The following PPP2R2B variants were observed in gnomAD, a reference collection of about 807,000 sequenced individuals.
PPP2R2B encodes the protein protein phosphatase 2 regulatory subunit Bbeta.
In PPP2R2B, 5 loss-of-function variants were observed where a neutral mutation model predicts 46.0. The ratio of observed to expected loss-of-function variants is 0.11; its 90% confidence interval spans 0.06 to 0.23. The LOEUF (loss-of-function observed/expected upper bound fraction) is 0.23. PPP2R2B is among the 10% of genes least tolerant of loss of function. The probability of loss-of-function intolerance (pLI) is 1.00; values close to 1 mark genes in which losing one functional copy is unlikely to be tolerated. For missense variants in PPP2R2B, 367 were observed against 575.0 expected, an observed-to-expected ratio of 0.64 and a Z score of 3.70; for synonymous variants, 215 against 206.7, an observed-to-expected ratio of 1.04 and a Z score of -0.34.
chr5:146,691,878 G>A (rs544495548), intron 4 of PPP2R2B, among the ~76,000 whole-genome samples: 174 of 152,096 alleles, frequency 1.1e-3, no homozygotes, highest in African/African-American at 3.5e-3. Context: ...CCTCTTTTTC[G>A]TATAATTTGC....
chr5:146,886,671 AT>A (rs1040507002), intron 1 of PPP2R2B, among the ~76,000 whole-genome samples: 23 of 152,256 alleles, frequency 1.5e-4, no homozygotes, highest in African/African-American at 5.5e-4. Context: ...AACTGCTACA[AT>A]TTTTTGGTTA....
chr5:146,683,399 C>A (rs945308836), intron 5 of PPP2R2B, among the ~76,000 whole-genome samples: 1 of 152,146 alleles, frequency 6.6e-6, no homozygotes, highest in Non-Finnish European at 1.5e-5. Flanking sequence ...CACTCAAGTC[C>A]AAGCATTACC....
intron 2 of PPP2R2B, among the ~76,000 whole-genome samples, chr5:146,829,305 T>C (rs1330129469): frequency 6.6e-6 from 1 of 152,228 alleles, no homozygotes; most frequent in Non-Finnish European, 1.5e-5. Flanking sequence ...GTAAATTGAA[T>C]GGCTAAATTA....
chr5:146,974,209 G>A (rs1295748769), intron 1 of PPP2R2B, among the ~76,000 whole-genome samples: 1 of 152,152 alleles, frequency 6.6e-6, no homozygotes, highest in East Asian at 1.9e-4. Context: ...AAAGGACTCT[G>A]TTCTACAGTA....
intron 5 of PPP2R2B, among the ~76,000 whole-genome samples, chr5:146,690,462 C>G (rs1019506307): frequency 9.2e-5 from 14 of 152,272 alleles, no homozygotes; most frequent in African/African-American, 3.4e-4. Context: ...GTGCCATAAT[C>G]ATTTGTATAT....
intron 1 of PPP2R2B, among the ~76,000 whole-genome samples, chr5:147,035,751 A>G (rs1306732521): frequency 6.6e-6 from 1 of 152,204 alleles, no homozygotes; most frequent in Admixed American, 6.5e-5. Context: ...CTCAAAGACC[A>G]AGAGTCTGTC....
intron 1 of PPP2R2B, among the ~76,000 whole-genome samples, chr5:146,943,095 C>T (rs1005398855): frequency 6.6e-6 from 1 of 152,128 alleles, no homozygotes; most frequent in African/African-American, 2.4e-5. Flanking sequence ...CTACGCCCGG[C>T]CCAAATCCAT....
intron 7 of PPP2R2B, among the ~76,000 whole-genome samples, chr5:146,630,431 A>G (rs1774348884): frequency 6.6e-6 from 1 of 152,208 alleles, no homozygotes; most frequent in Non-Finnish European, 1.5e-5. Context: ...CAGGTGTTTA[A>G]TCAATCTTAG....
intron 2 of PPP2R2B, among the ~76,000 whole-genome samples, chr5:146,755,957 AC>A (rs1319786180): frequency 6.6e-6 from 1 of 152,206 alleles, no homozygotes; most frequent in Non-Finnish European, 1.5e-5. Flanking sequence ...CAATCACAGC[AC>A]ATTCATTTCA....
At chr5:146,624,199 G>A (rs938265237) in intron 7 of PPP2R2B, among the ~76,000 whole-genome samples, 1 of 152,108 alleles carries the variant, frequency 6.6e-6, no homozygotes, top group African/African-American at 2.4e-5. Context: ...CAATGAGAAG[G>A]GGCTCTATAA....
intron 4 of PPP2R2B, among the ~76,000 whole-genome samples, chr5:146,691,613 C>A (rs1446482616): frequency 6.6e-6 from 1 of 152,152 alleles, no homozygotes; most frequent in Non-Finnish European, 1.5e-5. Flanking sequence ...ACAGTCATAA[C>A]TCTGGAAGTA....
At chr5:147,023,702 T>G (rs1302418099) in intron 1 of PPP2R2B, among the ~76,000 whole-genome samples, 1 of 152,128 alleles carries the variant, frequency 6.6e-6, no homozygotes, top group Admixed American at 6.5e-5. Context: ...AGATAGCTGG[T>G]GAAACATTAT....
At chr5:146,621,139 T>C (rs1192312640) in intron 7 of PPP2R2B, among the ~76,000 whole-genome samples, 2 of 152,222 alleles carry the variant, frequency 1.3e-5, no homozygotes, top group Admixed American at 1.3e-4. Context: ...TGGTCACTGC[T>C]TCACTGTCTT....
At chr5:146,660,593 C>T (rs1776612134) in intron 5 of PPP2R2B, among the ~76,000 whole-genome samples, 1 of 152,202 alleles carries the variant, frequency 6.6e-6, no homozygotes, top group East Asian at 1.9e-4. Flanking sequence ...TGCCACTCAC[C>T]AGCACCCCGC....
At chr5:147,015,007 C>G (rs1402723371) in intron 1 of PPP2R2B, among the ~76,000 whole-genome samples, 1 of 152,102 alleles carries the variant, frequency 6.6e-6, no homozygotes, top group Non-Finnish European at 1.5e-5. Context: ...ATCCCAAACA[C>G]TTCTTGTTCC....
chr5:146,878,296 CCG>C lies in PPP2R2B; in HGVS notation c.-124-103_-124-102del. On this transcript the variant is annotated intron_variant, in intron 1 of 9. Coordinates refer to ENST00000394411, the MANE Select transcript of PPP2R2B (RefSeq NM_181675.4). This position sits in a 1 kb window ranked among gnomAD's most constrained non-coding sequence, Gnocchi z 4.5. Reference sequence around the variant, plus strand: ...TTCTGCGAGGCTGCGGCGGCTCCTCCCGCGCGGTGCGCTCACTCCAGCTCCAG... The same window carrying C: ...TTCTGCGAGGCTGCGGCGGCTCCTCCCGCGGTGCGCTCACTCCAGCTCCAG... The C allele has an allele frequency of 6.9e-7, 1 of 1,456,132 alleles. No homozygotes were observed. The highest frequency in any genetic ancestry group is 9.0e-7 in the Non-Finnish European group (1 of 1,110,016). 90.2% of individuals were successfully genotyped at this position (1,456,132 alleles called of 1,614,324 possible).
chr5:147,056,126 C>A (rs1306437020), upstream of PPP2R2B: 2 of 1,047,868 alleles, frequency 1.9e-6, no homozygotes, highest in Non-Finnish European at 2.3e-6. Flanking sequence ...CAAGAGAAAT[C>A]CAGCAGGATA....
chr5:146,917,382 G>T (rs1472339544), intron 1 of PPP2R2B, among the ~76,000 whole-genome samples: 1 of 152,160 alleles, frequency 6.6e-6, no homozygotes, highest in Non-Finnish European at 1.5e-5. Context: ...CATTATCTAT[G>T]TTTGTGCTTT....
intron 2 of PPP2R2B, among the ~76,000 whole-genome samples, chr5:146,741,966 G>A (rs1412570846): frequency 2.6e-5 from 4 of 152,210 alleles, no homozygotes; most frequent in East Asian, 3.9e-4. Context: ...AGGAAGACTC[G>A]TCTGGGTCTT....
Sources: gnomAD v4.1 joint callset for allele counts (sites outside exome capture counted in the v4.1 genomes callset) on GRCh38, gnomAD v4.1.1 for gene constraint, Gnocchi (gnomAD v3.1) non-coding constraint, MANE v1.5 for transcripts, NCBI Gene and HGNC (gene_info 2026-07-23, HGNC 2026-07-21) for gene names.